Variants in LCLAT1 observed in about 807,000 individuals in gnomAD.
The protein encoded by LCLAT1 is lysocardiolipin acyltransferase 1.
LCLAT1 carries 11 observed loss-of-function variants against 30.7 expected under a neutral mutation model. That is an observed-to-expected ratio of 0.36 (90% CI 0.23 to 0.59). LCLAT1 has a LOEUF of 0.59. LCLAT1 is among the 20% of genes least tolerant of loss of function. The pLI is 0.77. For synonymous variants in LCLAT1, 155 were observed against 151.3 expected, an observed-to-expected ratio of 1.02 and a Z score of -0.18; for missense variants, 402 against 458.6, an observed-to-expected ratio of 0.88 and a Z score of 1.13.
At chr2:30,527,098 T>G (rs1216070411) in intron 2 of LCLAT1, among the ~76,000 whole-genome samples, 1 of 152,182 alleles carries the variant, frequency 6.6e-6, no homozygotes, top group South Asian at 2.1e-4. Flanking sequence ...TTATGTAATA[T>G]TAATCATCAC....
chr2:30,496,859 A>G (rs1684144475), intron 1 of LCLAT1, among the ~76,000 whole-genome samples: 1 of 152,206 alleles, frequency 6.6e-6, no homozygotes, highest in South Asian at 2.1e-4. Flanking sequence ...GGCAGTGCCC[A>G]GCAAACCCAC....
chr2:30,467,364 A>C (rs1170695659), intron 1 of LCLAT1, among the ~76,000 whole-genome samples: 3 of 152,186 alleles, frequency 2.0e-5, no homozygotes, highest in Admixed American at 2.0e-4. Flanking sequence ...GTTGGTTCCA[A>C]GTCTTTGCTA....
chr2:30,574,976 A>G (rs1305647258), intron 5 of LCLAT1, among the ~76,000 whole-genome samples: 1 of 152,128 alleles, frequency 6.6e-6, no homozygotes, highest in Non-Finnish European at 1.5e-5. Flanking sequence ...TAAGTGGACC[A>G]TTGTTGAAAG....
At chr2:30,462,081 C>G (rs557151863) in intron 1 of LCLAT1, among the ~76,000 whole-genome samples, 1 of 152,260 alleles carries the variant, frequency 6.6e-6, no homozygotes, top group African/African-American at 2.4e-5. Flanking sequence ...CTAAATTAAA[C>G]TTTTATCACA....
chr2:30,622,145 C>A (rs1308365326), intron 5 of LCLAT1, among the ~76,000 whole-genome samples: 1 of 152,064 alleles, frequency 6.6e-6, no homozygotes, highest in Non-Finnish European at 1.5e-5. Context: ...TGTCACTGTT[C>A]CCTGGCGACC....
rs773843212 is a variant in LCLAT1, at chr2:30,640,837, G to A, written c.*218G>A. On this transcript the variant is annotated 3_prime_UTR_variant, in exon 6 of 6. Coordinates refer to ENST00000379509, the MANE Select transcript of LCLAT1 (RefSeq NM_001002257.3). ...CGATACTGTGTACATAGCAGGGAGTGATCGGGGTGAAATAACTTGGGCCAG... is the reference window on the plus strand; with the variant it reads ...CGATACTGTGTACATAGCAGGGAGTAATCGGGGTGAAATAACTTGGGCCAG... The A allele has an allele frequency of 1.8e-5, 9 of 494,308 alleles. No homozygotes were observed. Among genetic ancestry groups the A allele is most frequent in the South Asian group, 5.8e-5 (2 of 34,690 alleles). 30.6% of individuals were successfully genotyped at this position (494,308 alleles called of 1,614,324 possible). A position where few individuals can be genotyped will look rare whatever the true frequency, so the allele number is the denominator to read the frequency against.
intron 1 of LCLAT1, among the ~76,000 whole-genome samples, chr2:30,521,053 A>G (rs376094035): frequency 1.4e-4 from 22 of 152,328 alleles, no homozygotes; most frequent in African/African-American, 4.8e-4. Context: ...CTGATAAAAC[A>G]GGTTGCAGTT....
At chr2:30,614,917 G>C (rs1306795065) in intron 5 of LCLAT1, among the ~76,000 whole-genome samples, 2 of 152,136 alleles carry the variant, frequency 1.3e-5, no homozygotes, top group East Asian at 1.9e-4. Flanking sequence ...AGAGTAAGGT[G>C]ACCAGGAAGC....
intron 1 of LCLAT1, among the ~76,000 whole-genome samples, chr2:30,471,391 G>A (rs1682780743): frequency 6.6e-6 from 1 of 151,596 alleles, no homozygotes; most frequent in South Asian, 2.1e-4. Context: ...TGTATTTTTA[G>A]TAGAGACAGG....
chr2:30,588,623 G>A (rs1348360313), intron 5 of LCLAT1, among the ~76,000 whole-genome samples: 6 of 151,824 alleles, frequency 4.0e-5, no homozygotes, highest in Admixed American at 3.9e-4. Context: ...TTTCACTATT[G>A]TTGCCCAGGC....
rs1352113003 is a variant in LCLAT1 at position 30,631,241 on chromosome 2, GT to G, written c.629-8872del. Reference sequence around the variant, plus strand: ...GTTTTCTTGTGGCTTTCTGTATGTGGTTTTCTTAGGGCTTTCTCTTGGGAGC... The same window carrying G: ...GTTTTCTTGTGGCTTTCTGTATGTGGTTTCTTAGGGCTTTCTCTTGGGAGC... On this transcript the variant is annotated intron_variant, in intron 5 of 5. Transcript: ENST00000379509. Among the ~76,000 whole-genome samples, 4 of 152,258 alleles carry G rather than the reference GT, an allele frequency of 2.6e-5. No individual in the cohort carries two copies. The East Asian group carries it at 7.7e-4, about 29-fold the overall frequency.
intron 3 of LCLAT1, among the ~76,000 whole-genome samples, chr2:30,560,199 T>G (rs1665130061): frequency 6.6e-6 from 1 of 152,132 alleles, no homozygotes; most frequent in African/African-American, 2.4e-5. Context: ...ACTTATACAC[T>G]GAAGTGAATT....
At chr2:30,521,432 G>A (rs913525002) in intron 1 of LCLAT1, among the ~76,000 whole-genome samples, 2 of 143,428 alleles carry the variant, frequency 1.4e-5, no homozygotes, top group Non-Finnish European at 3.0e-5. Context: ...GGACAGCTTT[G>A]CTGTAATGTG....
At chr2:30,612,649 T>C (rs1028611710) in intron 5 of LCLAT1, among the ~76,000 whole-genome samples, 1 of 152,228 alleles carries the variant, frequency 6.6e-6, no homozygotes, top group Non-Finnish European at 1.5e-5. Flanking sequence ...GAATGTCTCA[T>C]GTCCAGAACA....
rs773499178 is a variant in LCLAT1 at position 30,525,700 on chromosome 2, C to G, written c.110C>G (p.Ser37Cys). ...TTACCTTTGATGTTTGTAAACCCAT[C>G]TTGGTATCGCTGGATCAACAACCGC... The part of the protein sequence containing the change: ...PFLPLMFVNP[S>C]WYRWINNRLV... The change falls in exon 2 of 6, where the codon TCT (serine) becomes TGT (cysteine). Residue 37 changes from serine (S) to cysteine (C), a missense_variant. Coordinates refer to ENST00000379509, the MANE Select transcript of LCLAT1 (RefSeq NM_001002257.3). 6.2e-7 allele frequency: 1 copy of G among 1,614,080 alleles called. No homozygotes were observed. Among genetic ancestry groups the G allele is most frequent in the East Asian group, 2.2e-5 (1 of 44,878 alleles).
At chr2:30,633,180 ATCT>A (rs1369108521) in intron 5 of LCLAT1, among the ~76,000 whole-genome samples, 2 of 152,158 alleles carry the variant, frequency 1.3e-5, no homozygotes, top group Non-Finnish European at 2.9e-5. Context: ...TCCAAGTTTT[ATCT>A]TCTTAGAGTA....
chr2:30,530,319 T>C (rs888505364), intron 2 of LCLAT1, among the ~76,000 whole-genome samples: 1 of 152,254 alleles, frequency 6.6e-6, no homozygotes, highest in African/African-American at 2.4e-5. Context: ...TCTGTATAGA[T>C]ATTACAGCTT....
intron 1 of LCLAT1, among the ~76,000 whole-genome samples, chr2:30,490,991 C>A (rs975305423): frequency 2.6e-5 from 4 of 152,132 alleles, no homozygotes; most frequent in African/African-American, 9.7e-5. Context: ...GAAATGATAA[C>A]ATTTTAGACA....
intron 5 of LCLAT1, among the ~76,000 whole-genome samples, chr2:30,627,934 T>G (rs989261990): frequency 6.6e-6 from 1 of 152,166 alleles, no homozygotes; most frequent in Non-Finnish European, 1.5e-5. Flanking sequence ...TTCAAAACTT[T>G]AAGTAAATGT....
Sources: gnomAD v4.1 joint callset for allele counts (sites outside exome capture counted in the v4.1 genomes callset) on GRCh38, gnomAD v4.1.1 for gene constraint, MANE v1.5 for transcripts, NCBI Gene and HGNC (gene_info 2026-07-23, HGNC 2026-07-21) for gene names.